Variants in RGL1 observed in about 807,000 individuals in gnomAD.
The protein encoded by RGL1 is ral guanine nucleotide dissociation stimulator-like 1.
RGL1 carries 24 observed loss-of-function variants against 95.2 expected under a neutral mutation model. That is an observed-to-expected ratio of 0.25 (90% CI 0.18 to 0.35). The LOEUF is 0.35. RGL1 is among the 10% of genes least tolerant of loss of function. The pLI, the probability that RGL1 is intolerant of heterozygous loss-of-function variation, is 1.00. For missense variants in RGL1, 715 were observed against 936.3 expected, an observed-to-expected ratio of 0.76 and a Z score of 3.08; for synonymous variants, 329 against 344.9, an observed-to-expected ratio of 0.95 and a Z score of 0.51.
chr1:183,877,394 G>A (rs532926031), intron 4 of RGL1, among the ~76,000 whole-genome samples: 1 of 152,282 alleles, frequency 6.6e-6, no homozygotes, highest in East Asian at 1.9e-4. Flanking sequence ...ATTATTTTGC[G>A]ATGTTGCTTT....
At chr1:183,685,210 T>G (rs1292148913) in intron 1 of RGL1, among the ~76,000 whole-genome samples, 1 of 152,222 alleles carries the variant, frequency 6.6e-6, no homozygotes, top group African/African-American at 2.4e-5. Flanking sequence ...AGAACTTTAA[T>G]TTTGCTAATA....
intron 1 of RGL1, among the ~76,000 whole-genome samples, chr1:183,733,922 A>G (rs1656779743): frequency 6.6e-6 from 1 of 152,236 alleles, no homozygotes; most frequent in Non-Finnish European, 1.5e-5. Flanking sequence ...GGATTGGCTT[A>G]GAGCCAGCTC....
chr1:183,878,294 ACAAT>A (rs2102630775), intron 4 of RGL1, among the ~76,000 whole-genome samples: 1 of 152,004 alleles, frequency 6.6e-6, no homozygotes, highest in South Asian at 2.1e-4. Context: ...TCTCTTGGGT[ACAAT>A]CAATCCACCC....
At chr1:183,815,379 G>T (rs2102439809) in intron 2 of RGL1, among the ~76,000 whole-genome samples, 1 of 152,332 alleles carries the variant, frequency 6.6e-6, no homozygotes, top group East Asian at 1.9e-4. Flanking sequence ...AGTTTGTGAA[G>T]CACAGGGAAA....
intron 1 of RGL1, among the ~76,000 whole-genome samples, chr1:183,708,883 C>A (rs960791370): frequency 6.6e-6 from 1 of 152,184 alleles, no homozygotes; most frequent in Admixed American, 6.5e-5. Flanking sequence ...CGGACCGGGG[C>A]CCCTTCCAGA....
At chr1:183,801,175 GT>G (rs1217966160), upstream of RGL1, among the ~76,000 whole-genome samples, 1 of 151,482 alleles carries the variant, frequency 6.6e-6, no homozygotes, top group African/African-American at 2.4e-5. Context: ...GTGTGTGTGT[GT>G]GTTTAATAAT....
At chr1:183,653,800 G>C (rs1650944889) in intron 1 of RGL1, among the ~76,000 whole-genome samples, 2 of 152,318 alleles carry the variant, frequency 1.3e-5, no homozygotes, top group East Asian at 1.9e-4. Flanking sequence ...TTTAAGACAA[G>C]ATTTGTTCCA....
At chr1:183,903,504 T>G (rs1464311447) in intron 12 of RGL1, among the ~76,000 whole-genome samples, 1 of 152,154 alleles carries the variant, frequency 6.6e-6, no homozygotes, top group Non-Finnish European at 1.5e-5. Flanking sequence ...CCTGTAGTAC[T>G]CTCGTTATTT....
chr1:183,896,302 C>T (rs1448646605), intron 9 of RGL1, among the ~76,000 whole-genome samples: 4 of 152,238 alleles, frequency 2.6e-5, no homozygotes, highest in African/African-American at 4.8e-5. Flanking sequence ...CCTCCTGCCT[C>T]AGCCTTCTGA....
chr1:183,707,022 A>G (rs1654958814), intron 1 of RGL1, among the ~76,000 whole-genome samples: 1 of 152,054 alleles, frequency 6.6e-6, no homozygotes, highest in Admixed American at 6.6e-5. Context: ...ACCTTGGGTG[A>G]TTTCTGAAAG....
intron 2 of RGL1, among the ~76,000 whole-genome samples, chr1:183,759,251 T>G (rs1174371061): frequency 6.6e-6 from 1 of 152,182 alleles, no homozygotes; most frequent in East Asian, 1.9e-4. Context: ...AAGCTTAGAT[T>G]ACTTCTGTAT....
chr1:183,779,359 C>T (rs1193076063), intron 2 of RGL1, among the ~76,000 whole-genome samples: 1 of 152,026 alleles, frequency 6.6e-6, no homozygotes, highest in Non-Finnish European at 1.5e-5. Flanking sequence ...AGAAATTCTC[C>T]TGCCTCAGCC....
intron 2 of RGL1, among the ~76,000 whole-genome samples, chr1:183,815,117 T>A (rs1661996618): frequency 1.3e-5 from 2 of 152,004 alleles, no homozygotes; most frequent in African/African-American, 4.8e-5. Context: ...CTACTAAACA[T>A]ACAAAAGTTA....
In RGL1 at chr1:183,817,455, C is replaced by A. The variant is rs901076600; in HGVS notation, c.138+10970C>A. Among the ~76,000 whole-genome samples, 20 of 151,968 alleles carry A rather than the reference C, an allele frequency of 1.3e-4. 1 individual carries two copies. The highest frequency in any genetic ancestry group is 4.4e-5 in the Non-Finnish European group (3 of 67,986). On this transcript the variant is annotated intron_variant, in intron 2 of 17. Coordinates refer to ENST00000360851, the MANE Select transcript of RGL1 (RefSeq NM_001297671.3). ...GTGAGTTCCTTTTTTTGTTCCTGTT[C>A]CTTCCTGTCCTTCTTCTGACTTAAA...
chr1:183,905,859 A>C (rs931534082), intron 13 of RGL1, among the ~76,000 whole-genome samples: 3 of 152,206 alleles, frequency 2.0e-5, no homozygotes, highest in African/African-American at 7.2e-5. Context: ...AGTTATTTGA[A>C]ATTCAGATTT....
chr1:183,648,571 G>T (rs370657788), intron 1 of RGL1: 5 of 1,614,156 alleles, frequency 3.1e-6, no homozygotes, highest in Non-Finnish European at 4.2e-6. Context: ...GAAGTTTTTA[G>T]TTCATAAAAT....
At chr1:183,874,509 G>A (rs564542103) in intron 4 of RGL1, among the ~76,000 whole-genome samples, 3 of 151,344 alleles carry the variant, frequency 2.0e-5, no homozygotes, top group Non-Finnish European at 4.4e-5. Flanking sequence ...TTGCCGTGGA[G>A]GTTTTTTTTT....
At chr1:183,712,982 C>T (rs1160832288) in intron 1 of RGL1, among the ~76,000 whole-genome samples, 1 of 152,176 alleles carries the variant, frequency 6.6e-6, no homozygotes, top group African/African-American at 2.4e-5. Context: ...CCTGCATGGC[C>T]TTCCTTTGCC....
At chr1:183,823,339 T>C (rs1452255558) in intron 2 of RGL1, among the ~76,000 whole-genome samples, 1 of 152,120 alleles carries the variant, frequency 6.6e-6, no homozygotes, top group Non-Finnish European at 1.5e-5. Flanking sequence ...GCAAGTTTCA[T>C]TTAAAAAATT....
Sources: gnomAD v4.1 joint callset for allele counts (sites outside exome capture counted in the v4.1 genomes callset) on GRCh38, gnomAD v4.1.1 for gene constraint, MANE v1.5 for transcripts, NCBI Gene and HGNC (gene_info 2026-07-23, HGNC 2026-07-21) for gene names.